The following PRTFDC1 variants were observed in gnomAD, a reference collection of about 807,000 sequenced individuals.
The protein encoded by PRTFDC1 is phosphoribosyl transferase domain containing 1, also known as phosphoribosyltransferase domain-containing protein 1.
A neutral mutation model predicts 34.6 loss-of-function variants in PRTFDC1; 38 were observed. The ratio of observed to expected loss-of-function variants is 1.10; its 90% CI spans 0.85 to 1.44. The LOEUF (loss-of-function observed/expected upper bound fraction) is 1.44. Ranked by LOEUF, PRTFDC1 falls within the 40% of genes most tolerant of loss-of-function variation. PRTFDC1 has a pLI of 0.00. For missense variants in PRTFDC1, 270 were observed against 283.0 expected (o/e 0.95, Z 0.33); for synonymous variants, 93 against 98.1 (o/e 0.95, Z 0.31).
intron 3 of PRTFDC1, among the ~76,000 whole-genome samples, chr10:24,915,297 G>C (rs1236413213): frequency 6.6e-6 from 1 of 152,116 alleles, no homozygotes; most frequent in East Asian, 1.9e-4. Flanking sequence ...AAAGACTCCT[G>C]ACATTTGGAC....
At chr10:24,875,700 G>T (rs12267260) in intron 3 of PRTFDC1, among the ~76,000 whole-genome samples, 4 of 151,774 alleles carry the variant, frequency 2.6e-5, no homozygotes, top group Non-Finnish European at 4.4e-5. Context: ...TTTTGATCTT[G>T]TCTTTCATTC....
intron 3 of PRTFDC1, among the ~76,000 whole-genome samples, chr10:24,874,948 T>A (rs1313576812): frequency 6.6e-6 from 1 of 152,122 alleles, no homozygotes; most frequent in Non-Finnish European, 1.5e-5. Flanking sequence ...TTATTAAGGG[T>A]CTTTTCCCCC....
chr10:24,911,662 C>T (rs7905553), intron 3 of PRTFDC1, among the ~76,000 whole-genome samples: 94,649 of 151,692 alleles, frequency 0.62, 30,311 homozygotes, highest in African/African-American at 0.79. Flanking sequence ...GGTCAGGAGA[C>T]TGAGACCATC....
intron 3 of PRTFDC1, among the ~76,000 whole-genome samples, chr10:24,879,996 C>T (rs1052002501): frequency 3.3e-5 from 5 of 152,110 alleles, no homozygotes; most frequent in Non-Finnish European, 7.4e-5. Context: ...ATTCAGGGAC[C>T]AGGCTGCCTG....
intron 3 of PRTFDC1, among the ~76,000 whole-genome samples, chr10:24,936,397 G>T (rs1342418779): frequency 2.0e-5 from 3 of 151,738 alleles, no homozygotes; most frequent in African/African-American, 7.3e-5. Flanking sequence ...TCCCACTTCA[G>T]CCTCTTGAGT....
At chr10:24,878,706 T>C (rs943458170) in intron 3 of PRTFDC1, among the ~76,000 whole-genome samples, 1 of 152,140 alleles carries the variant, frequency 6.6e-6, no homozygotes, top group Non-Finnish European at 1.5e-5. Context: ...TTTGGACTGC[T>C]TTGAGAACAT....
At chr10:24,861,931 G>T (rs557116062) in intron 4 of PRTFDC1, among the ~76,000 whole-genome samples, 96 of 151,882 alleles carry the variant, frequency 6.3e-4, no homozygotes, top group Non-Finnish European at 9.6e-4. Flanking sequence ...GAGCCACTGC[G>T]CCCAGCCGTG....
chr10:24,893,860 A>G (rs1014520363), intron 3 of PRTFDC1, among the ~76,000 whole-genome samples: 4 of 152,164 alleles, frequency 2.6e-5, no homozygotes, highest in African/African-American at 9.7e-5. Context: ...CTTCAGGGAA[A>G]TGACACAAAT....
chr10:24,920,755 G>A lies in PRTFDC1; in HGVS notation c.339+16429C>T, dbSNP rs980087700. Among the ~76,000 whole-genome samples, 19 of 151,992 alleles carry A rather than the reference G, an allele frequency of 1.3e-4. 1 individual carries two copies. Among genetic ancestry groups the A allele is most frequent in the Admixed American group, 1.1e-3 (17 of 15,264 alleles). On this transcript the variant is annotated intron_variant, in intron 3 of 8. Coordinates refer to ENST00000320152, the MANE Select transcript of PRTFDC1 (RefSeq NM_020200.7). ...TAGTAGATGTATTCTGCATAGAGTA[G>A]TCTAACAGTACTGCTGATGGAAAAA...
At chr10:24,851,552 A>G (rs1847490279) in intron 7 of PRTFDC1, 88 bp from the exon 8 acceptor site, 1 of 1,542,600 alleles carries the variant, frequency 6.5e-7, no homozygotes, top group Non-Finnish European at 8.7e-7. Context: ...TCGCCACTCA[A>G]ACTTGAGGAC....
chr10:24,939,564 A>C (rs1011518599), intron 2 of PRTFDC1, among the ~76,000 whole-genome samples: 3 of 151,920 alleles, frequency 2.0e-5, no homozygotes, highest in Non-Finnish European at 4.4e-5. Flanking sequence ...AGGCCAAGGC[A>C]GGCAGATCCC....
chr10:24,880,237 AT>A (rs1053586440), intron 3 of PRTFDC1, among the ~76,000 whole-genome samples: 5 of 149,800 alleles, frequency 3.3e-5, no homozygotes, highest in East Asian at 3.9e-4. Context: ...TGTCTTTAGT[AT>A]TTTTTTTTCT....
At chr10:24,854,555 A>C (rs544614309) in intron 7 of PRTFDC1, among the ~76,000 whole-genome samples, 38 of 152,138 alleles carry the variant, frequency 2.5e-4, no homozygotes, top group Non-Finnish European at 5.1e-4. Flanking sequence ...ATCAAGCTGA[A>C]GTCTGCCTAT....
chr10:24,867,676 T>C (rs1249271007), intron 4 of PRTFDC1: 1 of 152,186 alleles, frequency 6.6e-6, no homozygotes, highest in Admixed American at 6.6e-5. Flanking sequence ...TTAAGTTTTA[T>C]TCTTGTTGTA....
rs540025012 is a variant in PRTFDC1, at chr10:24,938,842, G to A, written c.156-1475C>T. ...GAAAGCTCAGGGGAAAGTAAACATC[G>A]AAAGATTTGAAAATGGTTGGAAATT... On this transcript the variant is annotated intron_variant, in intron 2 of 8. Coordinates refer to ENST00000320152, the MANE Select transcript of PRTFDC1 (RefSeq NM_020200.7). Among the ~76,000 whole-genome samples the A allele has an allele frequency of 7.9e-5, 12 of 152,264 alleles. No homozygotes were observed. In the South Asian group the frequency reaches 1.7e-3, roughly 21 times the overall value.
chr10:24,855,176 TC>T, intron 7 of PRTFDC1, 141 bp downstream of exon 7: 1 of 729,066 alleles, frequency 1.4e-6, no homozygotes. Flanking sequence ...TCATGAGGAA[TC>T]CGTGGGACTA....
chr10:24,884,415 T>C (rs768584865), intron 3 of PRTFDC1, among the ~76,000 whole-genome samples: 1 of 152,096 alleles, frequency 6.6e-6, no homozygotes, highest in Non-Finnish European at 1.5e-5. Context: ...CTACCGTATT[T>C]GGGCCCAAAA....
At position 24,947,998 on chromosome 10, in the gene PRTFDC1, C is replaced by T. The variant is rs547666935; in HGVS notation, c.48+4530G>A. ...AATGAAGGAAGCTCGACAGGCCAAC[C>T]ACCTCCTATCCACATGCCTTCCTCT... On this transcript the variant is annotated intron_variant, in intron 1 of 8. Coordinates refer to ENST00000320152, the MANE Select transcript of PRTFDC1 (RefSeq NM_020200.7). Among the ~76,000 whole-genome samples, 88 of 152,274 alleles carry T rather than the reference C, an allele frequency of 5.8e-4. 2 individuals carry two copies. The South Asian group carries it at 0.018, about 31-fold the overall frequency.
At chr10:24,918,852 C>T (rs949782419) in intron 3 of PRTFDC1, among the ~76,000 whole-genome samples, 1 of 152,128 alleles carries the variant, frequency 6.6e-6, no homozygotes, top group Non-Finnish European at 1.5e-5. Context: ...AAATGAGTTC[C>T]TTGCCAAAGT....
Sources: allele counts gnomAD v4.1 joint callset (sites outside exome capture counted in the v4.1 genomes callset), GRCh38; gene constraint gnomAD v4.1.1; transcripts MANE v1.5; gene names NCBI Gene and HGNC (gene_info 2026-07-23, HGNC 2026-07-21).